APOC3: variants seen among roughly 807,000 people sequenced by gnomAD.
The protein encoded by APOC3 is apolipoprotein C3.
APOC3 carries 6 observed loss-of-function variants against 7.3 expected under a neutral mutation model. That is an observed-to-expected ratio of 0.82 (90% CI 0.45 to 1.61). The LOEUF is 1.61. APOC3 is among the 40% of genes most tolerant of loss of function. The pLI is 0.01. For synonymous variants in APOC3, 45 were observed against 51.2 expected, an observed-to-expected ratio of 0.88 and a Z score of 0.52; for missense variants, 123 against 124.9, an observed-to-expected ratio of 0.98 and a Z score of 0.07.
At position 116,829,934 on chromosome 11, in the gene APOC3, G is replaced by C. The variant is rs1941428093; in HGVS notation, c.-20G>C. ...GCTCAGTTCATCCCTAGAGGCAGCT[G>C]CTCCAGGTAATGCCCTCTGGGGAGG... is the stretch of plus-strand genomic sequence containing the variant. On this transcript the variant is annotated 5_prime_UTR_variant, in exon 1 of 4. Coordinates refer to ENST00000227667, the MANE Select transcript of APOC3 (RefSeq NM_000040.3). 6.2e-6 allele frequency: 1 copy of C among 160,506 alleles called. No homozygotes were observed. The highest frequency in any genetic ancestry group is 1.4e-5 in the Non-Finnish European group (1 of 72,866). The allele number at this position is 160,506 out of a possible 1,614,324, so 9.9% of individuals were successfully genotyped here.
rs1424608266 is a variant in APOC3 at position 116,831,192 on chromosome 11, TC to T, written c.179+297del. On this transcript the variant is annotated intron_variant, in intron 3 of 3. Coordinates refer to ENST00000227667, the MANE Select transcript of APOC3 (RefSeq NM_000040.3). ...CTTTCCCTTTCTTTCTCTTTCTATT[TC>T]TTTCTTTCTTTCTTTCTTTCTTTCT... 10 of 18,824 alleles carry T rather than the reference TC, an allele frequency of 5.3e-4. 1 individual carries two copies. The highest frequency in any genetic ancestry group is 1.0e-3 in the Non-Finnish European group (5 of 4,834). 1.2% of individuals were successfully genotyped at this position (18,824 alleles called of 1,614,324 possible).
intron 3 of APOC3, chr11:116,831,239 TTCTTTCTTTC>T (rs1465855339): frequency 2.2e-5 from 3 of 136,304 alleles, no homozygotes; most frequent in Admixed American, 1.8e-4. Flanking sequence ...CTTTCTTTCT[TTCTTTCTTTC>T]TTTCTTTCCT....
Position 116,830,544 on chromosome 11 carries a change from G to T in APOC3, c.-13-26G>T, listed in dbSNP as rs1486516271. 2.5e-6 allele frequency: 4 copies of T among 1,612,714 alleles called. No individual in the cohort carries two copies. In the South Asian group the frequency reaches 4.4e-5, roughly 18 times the overall value. On this transcript the variant is annotated intron_variant, in intron 1 of 3. Coordinates refer to ENST00000227667, the MANE Select transcript of APOC3 (RefSeq NM_000040.3). Reference sequence around the variant, plus strand: ...GTCCAGAGGCATGGGGACCTGGGGTGCCCCTCACAGGACACTTCCTTGCAG... The same window carrying T: ...GTCCAGAGGCATGGGGACCTGGGGTTCCCCTCACAGGACACTTCCTTGCAG...
intron 3 of APOC3, 117 bp downstream of exon 3, chr11:116,831,013 G>A (rs1941440997): frequency 1.5e-6 from 2 of 1,291,872 alleles, no homozygotes; most frequent in Admixed American, 2.0e-5. Flanking sequence ...CCCTGGGCCT[G>A]TGCCTCTTCA....
In APOC3 at chr11:116,830,843, C is replaced by T. The variant is rs533891893; in HGVS notation, c.126C>T (p.Thr42=). Residue 42 remains threonine (T), a synonymous_variant, in exon 3 of 4, where the codon ACC becomes ACT. Coordinates refer to ENST00000227667, the MANE Select transcript of APOC3 (RefSeq NM_000040.3). ...GTTACATGAAGCACGCCACCAAGACCGCCAAGGATGCACTGAGCAGCGTGC... is the reference window on the plus strand; with the variant it reads ...GTTACATGAAGCACGCCACCAAGACTGCCAAGGATGCACTGAGCAGCGTGC... ...MQGYMKHATK[T]AKDALSSVQE... 6.3e-5 allele frequency: 102 copies of T among 1,613,256 alleles called. No individual in the cohort carries two copies. The highest frequency in any genetic ancestry group is 3.3e-4 in the South Asian group (30 of 91,076).
At chr11:116,832,626 A>G in intron 3 of APOC3, 138 bp from the exon 4 acceptor site, 1 of 1,271,332 alleles carries the variant, frequency 7.9e-7, no homozygotes, top group East Asian at 2.3e-5. Flanking sequence ...CTGAGGTCTC[A>G]GGGCTGTCGT....
At position 116,830,610 on chromosome 11, in the gene APOC3, G is replaced by A. The variant is rs150821374; in HGVS notation, c.28G>A (p.Ala10Thr). MQPRVLLVV[A>T]LLALLASARA... ...GCAGCCCCGGGTACTCCTTGTTGTT[G>A]CCCTCCTGGCGCTCCTGGCCTCTGC... Residue 10 changes from alanine (A) to threonine (T), a missense_variant, in exon 2 of 4, where the codon GCC becomes ACC. Ala to Thr is a moderately conservative substitution (Grantham distance 58, BLOSUM62 0). Coordinates refer to ENST00000227667, the MANE Select transcript of APOC3 (RefSeq NM_000040.3). 38 of 1,613,844 alleles carry A rather than the reference G, an allele frequency of 2.4e-5. No individual in the cohort carries two copies. In the African/African-American group the frequency reaches 4.4e-4, roughly 19 times the overall value.
chr11:116,832,466 C>A (rs767860422), intron 3 of APOC3, among the ~76,000 whole-genome samples: 1 of 152,240 alleles, frequency 6.6e-6, no homozygotes, highest in Non-Finnish European at 1.5e-5. Context: ...ACAGCCTTGA[C>A]CTTTCACATC....
At chr11:116,832,655 T>G in intron 3 of APOC3, 109 bp from the exon 4 acceptor site, 1 of 1,493,474 alleles carries the variant, frequency 6.7e-7, no homozygotes, top group Admixed American at 1.7e-5. Context: ...GTTGAGAGGG[T>G]GGTGTGGTCC....
At position 116,831,288 on chromosome 11, in the gene APOC3, CTTT is replaced by C. The variant is rs1565336605; in HGVS notation, c.179+393_179+395del. Reference sequence around the variant, plus strand: ...TTTCTTTCCTTTCTTTCTTTCCTTTCTTTCTTTCTTTCCTTTCTTTCTCTTTCT... The same window carrying C: ...TTTCTTTCCTTTCTTTCTTTCCTTTCCTTTCTTTCCTTTCTTTCTCTTTCT... On this transcript the variant is annotated intron_variant, in intron 3 of 3. Coordinates refer to ENST00000227667, the MANE Select transcript of APOC3 (RefSeq NM_000040.3). Among the ~76,000 whole-genome samples the C allele has an allele frequency of 5.5e-4, 38 of 69,544 alleles. No individual in the cohort carries two copies. The East Asian group carries it at 5.8e-3, about 11-fold the overall frequency. The allele number at this position is 69,544 out of a possible 152,430, so 45.6% of individuals were successfully genotyped here. A position where few individuals can be genotyped will look rare whatever the true frequency, so the allele number is the denominator to read the frequency against.
chr11:116,830,632 C>T lies in APOC3; in HGVS notation c.50C>T (p.Ser17Phe). 1 of 1,613,980 alleles carries T rather than the reference C, an allele frequency of 6.2e-7. No individual in the cohort carries two copies. The highest frequency in any genetic ancestry group is 8.5e-7 in the Non-Finnish European group (1 of 1,180,012). ...GTTGCCCTCCTGGCGCTCCTGGCCT[C>T]TGCCCGTAAGCACTTGGTGGGACTG... ...LVVALLALLASARASEAEDAS... is the reference protein window; with the variant it reads ...LVVALLALLAFARASEAEDAS... The change falls in exon 2 of 4, where the codon TCT (serine) becomes TTT (phenylalanine). Residue 17 changes from serine to phenylalanine, a missense_variant. Physicochemically the swap from Ser to Phe is radical, Grantham distance 155. Transcript: ENST00000227667.
chr11:116,830,661 T>G, intron 2 of APOC3, 24 bp downstream of exon 2: 1 of 1,613,614 alleles, frequency 6.2e-7, no homozygotes, highest in Non-Finnish European at 8.5e-7. Flanking sequence ...GGGACTGGGC[T>G]GGGGGCAGGG....
At position 116,832,934 on chromosome 11, in the gene APOC3, G is replaced by C. The variant is rs765406427; in HGVS notation, c.*50G>C. 3.1e-6 allele frequency: 5 copies of C among 1,612,582 alleles called. No homozygotes were observed. The South Asian group carries it at 5.5e-5, about 18-fold the overall frequency. ...GCCTATCCATCCTGCGAGCTCCTTG[G>C]GTCCTGCAATCTCCAGGGCTGCCCC... is the stretch of plus-strand genomic sequence containing the variant. On this transcript the variant is annotated 3_prime_UTR_variant, in exon 4 of 4. Transcript: ENST00000227667.
chr11:116,831,146 C>G (rs1941443303), intron 3 of APOC3: 2 of 447,370 alleles, frequency 4.5e-6, no homozygotes, highest in Non-Finnish European at 8.0e-6. Context: ...CCGTTTTAGC[C>G]CTCATTTCCA....
At chr11:116,830,419 C>T (rs1244723442) in intron 1 of APOC3, 151 bp from the exon 2 acceptor site, 5 of 785,548 alleles carry the variant, frequency 6.4e-6, no homozygotes, top group South Asian at 3.1e-5. Flanking sequence ...CACCAGTCCC[C>T]CTTCTGAGAG....
chr11:116,830,149 G>A (rs531641148), intron 1 of APOC3, among the ~76,000 whole-genome samples: 28 of 152,250 alleles, frequency 1.8e-4, no homozygotes, highest in African/African-American at 6.0e-4. Flanking sequence ...CTACACAGGG[G>A]GTGGGGCTGG....
Position 116,830,909 on chromosome 11 carries a change from G to T in APOC3, c.179+13G>T, listed in dbSNP as rs1217412136. 3.7e-6 allele frequency: 6 copies of T among 1,611,314 alleles called. No individual in the cohort carries two copies. In the African/African-American group the frequency reaches 6.7e-5, roughly 18 times the overall value. ...CCCAGCAGGCCAGGTACACCCGCTG[G>T]CCTCCCTCCCCATCCCCCCTGCCAG... On this transcript the variant is annotated intron_variant, in intron 3 of 3. Transcript: ENST00000227667.
chr11:116,830,121 G>GGT (rs1941430046), intron 1 of APOC3, among the ~76,000 whole-genome samples, 181 bp downstream of exon 1: 1 of 152,062 alleles, frequency 6.6e-6, no homozygotes, highest in South Asian at 2.1e-4. Context: ...GCCCGGGAGG[G>GGT]GTGTCACTTG....
chr11:116,831,530 A>G (rs1941460865), intron 3 of APOC3, among the ~76,000 whole-genome samples: 2 of 150,526 alleles, frequency 1.3e-5, no homozygotes, highest in Non-Finnish European at 1.5e-5. Flanking sequence ...ACACCCAGCT[A>G]ATTTTTGTAT....
Sources: gnomAD v4.1 joint callset for allele counts (sites outside exome capture counted in the v4.1 genomes callset) on GRCh38, gnomAD v4.1.1 for gene constraint, MANE v1.5 for transcripts, NCBI Gene and HGNC (gene_info 2026-07-23, HGNC 2026-07-21) for gene names.